The following SNX21 variants were observed in gnomAD, a reference collection of about 807,000 sequenced individuals.
SNX21 encodes sorting nexin family member 21.
Under a neutral mutation model 30.9 loss-of-function variants are expected in SNX21, and 36 were observed. The ratio of observed to expected loss-of-function variants is 1.16; its 90% confidence interval spans 0.89 to 1.54. The LOEUF is 1.54. SNX21 is among the 40% of genes most tolerant of loss of function. The pLI, the probability that SNX21 is intolerant of heterozygous loss-of-function variation, is 0.00. For synonymous variants in SNX21, 218 were observed against 222.7 expected (o/e 0.98, Z 0.19); for missense variants, 508 against 516.5 (o/e 0.98, Z 0.16).
rs1370571130 is a variant in SNX21, at chr20:45,841,588, T to C, written c.*275T>C. 4 of 1,398,840 alleles carry C rather than the reference T, an allele frequency of 2.9e-6. No homozygotes were observed. In the African/African-American group the frequency reaches 4.4e-5, roughly 15 times the overall value. The allele number at this position is 1,398,840 out of a possible 1,614,324, so 86.7% of individuals were successfully genotyped here. ...GGCTGTGGCACAGGTTGGGGCAATG[T>C]TCCCTTGTTGGTGGGCCCCCAAGCT... On this transcript the variant is annotated 3_prime_UTR_variant, in exon 4 of 4. Transcript: ENST00000491381.
chr20:45,833,956 G>T lies in SNX21; in HGVS notation c.21+16G>T. 1.4e-6 allele frequency: 2 copies of T among 1,437,896 alleles called. No homozygotes were observed. Among genetic ancestry groups the T allele is most frequent in the Non-Finnish European group, 1.8e-6 (2 of 1,098,740 alleles). 89.1% of individuals were successfully genotyped at this position (1,437,896 alleles called of 1,614,324 possible). On this transcript the variant is annotated intron_variant, in intron 1 of 3. Coordinates refer to ENST00000491381, the MANE Select transcript of SNX21 (RefSeq NM_033421.4). ...GACGCAGGAGGTAGAGGCGCACGAG[G>T]CGGCGCAAGAGACATCGGGAGGGTC...
intron 3 of SNX21, 47 bp downstream of exon 3, chr20:45,835,163 C>T: frequency 6.4e-7 from 1 of 1,556,854 alleles, no homozygotes; most frequent in South Asian, 1.2e-5. Context: ...AGAAGTATGG[C>T]TAGGAGCAAG....
Position 45,834,425 on chromosome 20 carries a change from T to A in SNX21, c.246T>A (p.Pro82=). The change falls in exon 2 of 4, where the codon CCT becomes CCA. Residue 82 remains proline, a synonymous_variant. Transcript: ENST00000491381. ...DEDEDDEEAG[P]DQLPLGDGTS... ...ACGAGGACGACGAGGAGGCTGGCCC[T>A]GACCAGCTGCCCCTCGGGGATGGGA... 1 of 1,606,754 alleles carries A rather than the reference T, an allele frequency of 6.2e-7. No individual in the cohort carries two copies. The highest frequency in any genetic ancestry group is 8.5e-7 in the Non-Finnish European group (1 of 1,179,166).
chr20:45,838,962 C>T (rs1355809665), intron 3 of SNX21, among the ~76,000 whole-genome samples: 3 of 150,522 alleles, frequency 2.0e-5, no homozygotes, highest in Admixed American at 6.6e-5. Flanking sequence ...TGAGCAATCT[C>T]GGCTCACCAC....
rs1983302266 is a variant in SNX21, at chr20:45,834,322, A to G, written c.143A>G (p.Asp48Gly). 2.5e-6 allele frequency: 4 copies of G among 1,598,044 alleles called. No homozygotes were observed. In the South Asian group the frequency reaches 4.5e-5, roughly 18 times the overall value. The change falls in exon 2 of 4, where the codon GAC (aspartate) becomes GGC (glycine). Residue 48 changes from aspartate (D) to glycine (G), a missense_variant. Physicochemically the swap from Asp to Gly is moderately conservative, Grantham distance 94 (BLOSUM62 -1). Coordinates refer to ENST00000491381, the MANE Select transcript of SNX21 (RefSeq NM_033421.4). ...QFPESSELEDDDAEGLSSRLS... is the reference protein window; with the variant it reads ...QFPESSELEDGDAEGLSSRLS... ...CCGGAGAGCTCAGAGCTGGAGGACG[A>G]CGACGCCGAGGGCCTGTCCTCCCGA...
rs1364790862 is a variant in SNX21 at position 45,834,373 on chromosome 20, G to A, written c.194G>A (p.Ser65Asn). The A allele has an allele frequency of 6.2e-7, 1 of 1,603,906 alleles. No homozygotes were observed. The highest frequency in any genetic ancestry group is 8.5e-7 in the Non-Finnish European group (1 of 1,178,002). Residue 65 changes from serine to asparagine, a missense_variant, in exon 2 of 4, where the codon AGC becomes AAC. Ser to Asn is a conservative substitution (Grantham distance 46). Transcript: ENST00000491381. ...SRLSGTLSFT[S>N]AEDDEDDEDE... Reference sequence around the variant, plus strand: ...CTCAGCGGCACCCTCAGCTTCACCAGCGCCGAGGACGACGAGGACGACGAG... The same window carrying A: ...CTCAGCGGCACCCTCAGCTTCACCAACGCCGAGGACGACGAGGACGACGAG...
chr20:45,840,217 C>G (rs576079785), intron 3 of SNX21: 60 of 1,417,618 alleles, frequency 4.2e-5, no homozygotes, highest in Non-Finnish European at 5.4e-5. Flanking sequence ...AAAAGCCTGA[C>G]CAGGGATGTG....
chr20:45,840,894 C>T lies in SNX21; in HGVS notation c.703C>T (p.Leu235=), dbSNP rs61753670. Reference sequence around the variant, plus strand: ...GCCTGAGCTGCGCCATGCCCCGGACCTGCAGGACTTCTTCGTGCTGCCGGA... The same window carrying T: ...GCCTGAGCTGCGCCATGCCCCGGACTTGCAGGACTTCTTCGTGCTGCCGGA... ...AVPELRHAPD[L]QDFFVLPELR... is the part of the protein sequence containing the mutation. Residue 235 remains leucine, a synonymous_variant, in exon 4 of 4, where the codon CTG becomes TTG. Coordinates refer to ENST00000491381, the MANE Select transcript of SNX21 (RefSeq NM_033421.4). The T allele has an allele frequency of 4.2e-3, 6,835 of 1,613,364 alleles. 25 individuals carry two copies. The highest frequency in any genetic ancestry group is 4.9e-3 in the Non-Finnish European group (5,742 of 1,179,936).
intron 2 of SNX21, 155 bp downstream of exon 2, chr20:45,834,623 A>T: frequency 9.3e-7 from 1 of 1,070,346 alleles, no homozygotes; most frequent in Non-Finnish European, 1.3e-6. Context: ...TGACCTTGAG[A>T]GAGTCTTAAC....
intron 3 of SNX21, among the ~76,000 whole-genome samples, 192 bp downstream of exon 3, chr20:45,835,308 G>A (rs1413114401): frequency 2.0e-5 from 3 of 152,218 alleles, no homozygotes; most frequent in Non-Finnish European, 4.4e-5. Flanking sequence ...CCTTGAGACT[G>A]ACTGAAGTGG....
At chr20:45,835,173 G>A (rs1257614726) in intron 3 of SNX21, 57 bp downstream of exon 3, 3 of 1,536,702 alleles carry the variant, frequency 2.0e-6, no homozygotes, top group Admixed American at 2.1e-5. Flanking sequence ...CTAGGAGCAA[G>A]TAGGGAAGAC....
At position 45,840,161 on chromosome 20, in the gene SNX21, T is replaced by C. The variant is rs1288659685; in HGVS notation, c.448-478T>C. 10 of 985,336 alleles carry C rather than the reference T, an allele frequency of 1.0e-5. No homozygotes were observed. In the East Asian group the frequency reaches 4.5e-4, roughly 45 times the overall value. 61.0% of individuals were successfully genotyped at this position (985,336 alleles called of 1,614,324 possible). A position where few individuals can be genotyped will look rare whatever the true frequency, so the allele number is the denominator to read the frequency against. On this transcript the variant is annotated intron_variant, in intron 3 of 3. Coordinates refer to ENST00000491381, the MANE Select transcript of SNX21 (RefSeq NM_033421.4). ...TAGGCCAGTATACTTTTCACAGTTA[T>C]GGCAGTTGTGGCTATCTACAGACCT...
chr20:45,840,750 CG>C lies in SNX21; in HGVS notation c.563del (p.Gly188AlafsTer97). On this transcript the variant is annotated frameshift_variant, in exon 4 of 4. Coordinates refer to ENST00000491381, the MANE Select transcript of SNX21 (RefSeq NM_033421.4). LOFTEE classifies it high-confidence loss of function. ...RLHRNLQRQF[R>X]GPMAAISFPR... ...GCACCGAAACCTGCAGCGGCAATTC[CG>C]GGGCCCAATGGCTGCCATCTCCTTC... is the stretch of plus-strand genomic sequence containing the variant. 1.2e-6 allele frequency: 2 copies of C among 1,614,080 alleles called. No individual in the cohort carries two copies. The highest frequency in any genetic ancestry group is 4.5e-5 in the East Asian group (2 of 44,900).
intron 3 of SNX21, chr20:45,840,102 AG>A (rs1486568850): frequency 3.1e-6 from 3 of 980,044 alleles, no homozygotes; most frequent in East Asian, 2.3e-4. Context: ...CACACAGAGA[AG>A]GAGTAGCTGA....
chr20:45,840,635 G>A lies in SNX21; in HGVS notation c.448-4G>A, dbSNP rs1420597567. On this transcript the variant is annotated splice_region_variant and splice_polypyrimidine_tract_variant and intron_variant, in intron 3 of 3. Coordinates refer to ENST00000491381, the MANE Select transcript of SNX21 (RefSeq NM_033421.4). ...ATTTGCCCTGACACCCACCCTCCCTGCAGCTCTACACCCTCGCCGTGATCG... is the reference window on the plus strand; with the variant it reads ...ATTTGCCCTGACACCCACCCTCCCTACAGCTCTACACCCTCGCCGTGATCG... The A allele has an allele frequency of 6.2e-7, 1 of 1,613,690 alleles. No homozygotes were observed. The highest frequency in any genetic ancestry group is 1.3e-5 in the African/African-American group (1 of 74,920).
At chr20:45,834,762 G>C (rs1186299734) in intron 2 of SNX21, 197 bp from the exon 3 acceptor site, 4 of 710,636 alleles carry the variant, frequency 5.6e-6, no homozygotes, top group Non-Finnish European at 9.3e-6. Flanking sequence ...TATTTTGAGG[G>C]TGGAGCTATT....
chr20:45,841,787 T>C lies in SNX21; in HGVS notation c.*474T>C. Reference sequence around the variant, plus strand: ...GGGACTGTAACTCCTGTCTCAGGAATGGGGATAGATGGGAGGTTCTTGAAG... The same window carrying C: ...GGGACTGTAACTCCTGTCTCAGGAACGGGGATAGATGGGAGGTTCTTGAAG... On this transcript the variant is annotated 3_prime_UTR_variant, in exon 4 of 4. Transcript: ENST00000491381. The C allele has an allele frequency of 2.6e-6, 4 of 1,529,266 alleles. No individual in the cohort carries two copies. The highest frequency in any genetic ancestry group is 3.5e-6 in the Non-Finnish European group (4 of 1,145,522). The allele number at this position is 1,529,266 out of a possible 1,614,324, so 94.7% of individuals were successfully genotyped here.
chr20:45,840,767 C>T lies in SNX21; in HGVS notation c.576C>T (p.Ala192=), dbSNP rs1984014746. The T allele has an allele frequency of 1.2e-6, 2 of 1,614,112 alleles. No individual in the cohort carries two copies. The highest frequency in any genetic ancestry group is 1.7e-6 in the Non-Finnish European group (2 of 1,180,054). Residue 192 remains alanine (A), a synonymous_variant, in exon 4 of 4, where the codon GCC becomes GCT. Transcript: ENST00000491381. The part of the protein sequence containing the change: ...LQRQFRGPMA[A]ISFPRKRLRR... ...GGCAATTCCGGGGCCCAATGGCTGC[C>T]ATCTCCTTCCCCCGTAAGCGGCTGC... is the stretch of plus-strand genomic sequence containing the variant.
At chr20:45,835,753 G>A (rs1983470828) in intron 3 of SNX21, among the ~76,000 whole-genome samples, 1 of 152,184 alleles carries the variant, frequency 6.6e-6, no homozygotes, top group South Asian at 2.1e-4. Flanking sequence ...AGGGCCTGCT[G>A]TGTCCTTATA....
Sources: allele counts gnomAD v4.1 joint callset (sites outside exome capture counted in the v4.1 genomes callset), GRCh38; gene constraint gnomAD v4.1.1; transcripts MANE v1.5; gene names NCBI Gene and HGNC (gene_info 2026-07-23, HGNC 2026-07-21).